The following ACTG2 variants were observed in gnomAD, a reference collection of about 807,000 sequenced individuals.
The protein encoded by ACTG2 is actin, gamma-enteric smooth muscle.
ACTG2 carries 16 observed loss-of-function variants against 37.6 expected under a neutral mutation model. That is an observed-to-expected ratio of 0.43 (90% confidence interval 0.29 to 0.65). The LOEUF is 0.65. Ranked by LOEUF, ACTG2 falls within the 30% of genes least tolerant of loss-of-function variation. The pLI, the probability that ACTG2 is intolerant of heterozygous loss-of-function variation, is 0.18. For missense variants in ACTG2, 238 were observed against 490.9 expected, an observed-to-expected ratio of 0.48 and a Z score of 4.87; for synonymous variants, 181 against 179.9, an observed-to-expected ratio of 1.01 and a Z score of -0.05.
chr2:73,908,523 A>G, intron 3 of ACTG2, 150 bp from the exon 4 acceptor site: 1 of 682,746 alleles, frequency 1.5e-6, no homozygotes, highest in South Asian at 1.9e-5. Context: ...TTAAATGTCA[A>G]TCAGAAATTT....
intron 1 of ACTG2, among the ~76,000 whole-genome samples, chr2:73,895,402 T>C (rs1475665303): frequency 6.6e-6 from 1 of 152,214 alleles, no homozygotes; most frequent in Non-Finnish European, 1.5e-5. Flanking sequence ...CTAGTGAAGA[T>C]ATCCTGAAGT....
At chr2:73,897,858 A>G (rs1679783072) in intron 1 of ACTG2, among the ~76,000 whole-genome samples, 1 of 152,142 alleles carries the variant, frequency 6.6e-6, no homozygotes, top group Non-Finnish European at 1.5e-5. Context: ...GTGAGAAGGG[A>G]CCAAATTCGC....
In ACTG2 at chr2:73,916,784, G is replaced by A. The variant is rs1451174288; in HGVS notation, c.987+19G>A. Reference sequence around the variant, plus strand: ...GATCAAGGTGGGTCTTGCCTCAGTTGTCTCCATCCTGTTCTTTGTATAAAG... The same window carrying A: ...GATCAAGGTGGGTCTTGCCTCAGTTATCTCCATCCTGTTCTTTGTATAAAG... On this transcript the variant is annotated intron_variant, in intron 8 of 8. Coordinates refer to ENST00000345517, the MANE Select transcript of ACTG2 (RefSeq NM_001615.4). The A allele has an allele frequency of 1.9e-6, 3 of 1,610,246 alleles. No individual in the cohort carries two copies. In the African/African-American group the frequency reaches 4.0e-5, roughly 22 times the overall value.
chr2:73,893,167 C>CA (rs979824855), intron 1 of ACTG2, 116 bp downstream of exon 1: 2 of 152,282 alleles, frequency 1.3e-5, no homozygotes, highest in Non-Finnish European at 2.9e-5. Context: ...GATCACACAC[C>CA]AGAGCCCTTG....
intron 1 of ACTG2, among the ~76,000 whole-genome samples, chr2:73,900,827 T>C (rs1679856955): frequency 2.0e-5 from 3 of 152,196 alleles, no homozygotes; most frequent in Non-Finnish European, 4.4e-5. Flanking sequence ...CTAGGTGTCC[T>C]TCCAGAACTT....
chr2:73,900,567 C>G (rs887249438), intron 1 of ACTG2, among the ~76,000 whole-genome samples: 1 of 152,106 alleles, frequency 6.6e-6, no homozygotes, highest in African/African-American at 2.4e-5. Flanking sequence ...CATGGAGTCC[C>G]TTCTTTTCCT....
At chr2:73,904,771 GTGTGTGTATATATATA>G (rs1483334676) in intron 3 of ACTG2, among the ~76,000 whole-genome samples, 123 of 20,064 alleles carry the variant, frequency 6.1e-3, no homozygotes, top group Middle Eastern at 0.024. Flanking sequence ...GTGTGTGTGT[GTGTGTGTATATATATA>G]TATATATATA....
chr2:73,910,675 T>TTTCTG (rs1364053353), intron 5 of ACTG2, among the ~76,000 whole-genome samples: 1 of 151,166 alleles, frequency 6.6e-6, no homozygotes, highest in African/African-American at 2.4e-5. Flanking sequence ...ATTTTTGTCT[T>TTTCTG]TATTTAGTAG....
chr2:73,909,150 C>G lies in ACTG2; in HGVS notation c.451+11C>G. 6.2e-6 allele frequency: 10 copies of G among 1,607,214 alleles called. No homozygotes were observed. Among genetic ancestry groups the G allele is most frequent in the African/African-American group, 1.3e-5 (1 of 74,874 alleles). On this transcript the variant is annotated intron_variant, in intron 5 of 8. Transcript: ENST00000345517. ...CTGGCCGCACGACAGGTGAGTAATCCTGTAATCCATTCCTTTTCTGACTTC... is the reference window on the plus strand; with the variant it reads ...CTGGCCGCACGACAGGTGAGTAATCGTGTAATCCATTCCTTTTCTGACTTC...
chr2:73,902,794 G>T, intron 3 of ACTG2: 11 of 1,539,604 alleles, frequency 7.1e-6, no homozygotes, highest in Non-Finnish European at 9.6e-6. Context: ...CACCTCCTCA[G>T]AAATCTTCAG....
At position 73,917,690 on chromosome 2, in the gene ACTG2, C is replaced by A. The variant is rs1680298037; in HGVS notation, c.987+925C>A. ...GTGTTCTCAGTCAATATTCTAAGAA[C>A]CTTCATGAAGGAAGGCTGCCCCGGG... On this transcript the variant is annotated intron_variant, in intron 8 of 8. Coordinates refer to ENST00000345517, the MANE Select transcript of ACTG2 (RefSeq NM_001615.4). 1.3e-5 allele frequency among the ~76,000 whole-genome samples: 2 copies of A among 152,208 alleles called. 1 individual carries two copies. The highest frequency in any genetic ancestry group is 4.1e-4 in the South Asian group (2 of 4,830).
At chr2:73,899,582 T>A (rs1251231915) in intron 1 of ACTG2, among the ~76,000 whole-genome samples, 1 of 152,212 alleles carries the variant, frequency 6.6e-6, no homozygotes, top group Admixed American at 6.5e-5. Context: ...CTGTTTTATC[T>A]GAAAACTTTA....
At chr2:73,898,681 C>G (rs551064812) in intron 1 of ACTG2, among the ~76,000 whole-genome samples, 6 of 152,254 alleles carry the variant, frequency 3.9e-5, no homozygotes, top group African/African-American at 1.4e-4. Flanking sequence ...CACACAGTAC[C>G]CCAGCTAAAG....
At chr2:73,901,845 ATAAC>A (rs1679891923) in intron 2 of ACTG2, 1 of 203,574 alleles carries the variant, frequency 4.9e-6, no homozygotes, top group Non-Finnish European at 9.8e-6. Flanking sequence ...AGAAATACAC[ATAAC>A]TAACCAGAGA....
chr2:73,897,789 T>C (rs1378496103), intron 1 of ACTG2, among the ~76,000 whole-genome samples: 2 of 152,016 alleles, frequency 1.3e-5, no homozygotes. Context: ...GAGCCCAGAG[T>C]CTGCTTCCAA....
intron 3 of ACTG2, among the ~76,000 whole-genome samples, chr2:73,904,773 G>GTA (rs1679979413): frequency 2.6e-3 from 52 of 20,064 alleles, no homozygotes; most frequent in Admixed American, 4.5e-3. Flanking sequence ...GTGTGTGTGT[G>GTA]TGTGTATATA....
In ACTG2 at chr2:73,898,841, T is replaced by C. The variant is rs374011825; in HGVS notation, c.-36-2435T>C. 2.5e-3 allele frequency among the ~76,000 whole-genome samples: 374 copies of C among 148,292 alleles called. 3 individuals are homozygous for C. Among genetic ancestry groups the C allele is most frequent in the African/African-American group, 8.5e-3 (342 of 40,288 alleles). ...TTTTTGAGATGGAGTCTTGCTCTGTTGCCCAGGCTGGAGTGCAGTGGCTCG... is the reference window on the plus strand; with the variant it reads ...TTTTTGAGATGGAGTCTTGCTCTGTCGCCCAGGCTGGAGTGCAGTGGCTCG... On this transcript the variant is annotated intron_variant, in intron 1 of 8. Transcript: ENST00000345517.
At chr2:73,918,411 G>A (rs1429703642) in intron 8 of ACTG2, among the ~76,000 whole-genome samples, 5 of 152,168 alleles carry the variant, frequency 3.3e-5, no homozygotes, top group Admixed American at 6.5e-5. Context: ...AGGAGCATTT[G>A]TGTGACTTTT....
At chr2:73,909,949 T>C (rs1680094016) in intron 5 of ACTG2, among the ~76,000 whole-genome samples, 1 of 152,154 alleles carries the variant, frequency 6.6e-6, no homozygotes, top group Admixed American at 6.5e-5. Context: ...GCACAGTGGC[T>C]CACACCTGAA....
Sources: gnomAD v4.1 joint callset for allele counts (sites outside exome capture counted in the v4.1 genomes callset) on GRCh38, gnomAD v4.1.1 for gene constraint, MANE v1.5 for transcripts, NCBI Gene and HGNC (gene_info 2026-07-23, HGNC 2026-07-21) for gene names.